Variants in NAALADL2 observed in about 807,000 individuals in gnomAD.
The protein encoded by NAALADL2 is N-acetylated alpha-linked acidic dipeptidase like 2, also known as inactive N-acetylated-alpha-linked acidic dipeptidase-like protein 2.
A neutral mutation model predicts 87.2 loss-of-function variants in NAALADL2; 76 were observed. That is an observed-to-expected ratio of 0.87 (90% CI 0.72 to 1.05). The LOEUF (loss-of-function observed/expected upper bound fraction) is 1.05. Among genes scored for constraint, NAALADL2 ranks in the 50% least tolerant of loss-of-function variants. The probability of loss-of-function intolerance (pLI) is 0.00; values close to 1 mark genes in which losing one functional copy is unlikely to be tolerated. For missense variants in NAALADL2, 1,089 were observed against 945.8 expected, an observed-to-expected ratio of 1.15 and a Z score of -1.99; for synonymous variants, 354 against 331.0, an observed-to-expected ratio of 1.07 and a Z score of -0.75.
chr3:174,558,988 C>T (rs747400078), intron 2 of NAALADL2, among the ~76,000 whole-genome samples: 9 of 152,052 alleles, frequency 5.9e-5, no homozygotes, highest in Non-Finnish European at 1.2e-4. Context: ...CTCCCTGGGA[C>T]ATTCAGTTCA....
At chr3:174,541,555 T>C (rs905476948) in intron 1 of NAALADL2, among the ~76,000 whole-genome samples, 1 of 152,194 alleles carries the variant, frequency 6.6e-6, no homozygotes, top group Non-Finnish European at 1.5e-5. Context: ...TCTAAGTGTG[T>C]AGTATGTGCA....
At chr3:174,505,035 G>A (rs1719116731) in intron 1 of NAALADL2, among the ~76,000 whole-genome samples, 1 of 152,126 alleles carries the variant, frequency 6.6e-6, no homozygotes, top group African/African-American at 2.4e-5. Context: ...GAAATAGAAT[G>A]CAGCACTTTT....
At chr3:175,356,228 C>A (rs6768060) in intron 5 of NAALADL2, among the ~76,000 whole-genome samples, 95,845 of 151,800 alleles carry the variant, frequency 0.63, 30,445 homozygotes, top group East Asian at 0.68. Context: ...TTCAACAGAA[C>A]TCTTTAGAAT....
intron 1 of NAALADL2, among the ~76,000 whole-genome samples, chr3:174,887,835 T>TA (rs1560326771): frequency 6.6e-6 from 1 of 151,870 alleles, no homozygotes; most frequent in African/African-American, 2.4e-5. Flanking sequence ...TTTTTTTTTT[T>TA]ACATGTGGAT....
chr3:174,653,017 A>C (rs1028778313), intron 2 of NAALADL2, among the ~76,000 whole-genome samples: 13 of 152,274 alleles, frequency 8.5e-5, no homozygotes, highest in Middle Eastern at 3.4e-3. Flanking sequence ...ATGCCACACT[A>C]CACACTAACT....
At chr3:174,835,341 T>G (rs1207555475) in intron 3 of NAALADL2, among the ~76,000 whole-genome samples, 1 of 152,102 alleles carries the variant, frequency 6.6e-6, no homozygotes, top group Non-Finnish European at 1.5e-5. Flanking sequence ...TTATACCATA[T>G]AAAACGGTTA....
intron 2 of NAALADL2, among the ~76,000 whole-genome samples, chr3:175,228,931 A>T (rs2109423773): frequency 6.6e-6 from 1 of 152,110 alleles, no homozygotes; most frequent in African/African-American, 2.4e-5. Context: ...CTAAAATTAT[A>T]ATTCATTATA....
intron 2 of NAALADL2, among the ~76,000 whole-genome samples, chr3:175,174,223 T>A (rs995808324): frequency 2.6e-5 from 4 of 152,168 alleles, no homozygotes; most frequent in Non-Finnish European, 5.9e-5. Context: ...TTCTTAGTAT[T>A]ACAAGTTACC....
At chr3:174,833,651 T>G (rs1722994219) in intron 3 of NAALADL2, among the ~76,000 whole-genome samples, 1 of 152,070 alleles carries the variant, frequency 6.6e-6, no homozygotes, top group Non-Finnish European at 1.5e-5. Flanking sequence ...AACATACATA[T>G]CATTAACAAA....
At chr3:175,186,483 T>C (rs1208174058) in intron 2 of NAALADL2, among the ~76,000 whole-genome samples, 1 of 152,160 alleles carries the variant, frequency 6.6e-6, no homozygotes, top group Non-Finnish European at 1.5e-5. Context: ...TGCCCTCTTT[T>C]GTTTAAATCA....
Position 175,463,442 on chromosome 3 carries a change from T to C in NAALADL2, c.1276T>C (p.Leu426=), listed in dbSNP as rs527375173. ...VSMQVQTVTK[L]KTVTNVVGFV... is the part of the protein sequence containing the mutation. ...CATGCAAGTTCAGACAGTCACAAAA[T>C]TGAAAACAGTTACTAATGTTGTTGG... Residue 426 remains leucine, a synonymous_variant, in exon 7 of 14, where the codon TTG becomes CTG. Transcript: ENST00000454872. The C allele has an allele frequency of 1.5e-5, 24 of 1,600,584 alleles. No homozygotes were observed. The Admixed American group carries it at 1.9e-4, about 12-fold the overall frequency.
At chr3:175,516,948 G>A (rs1731926266) in intron 9 of NAALADL2, among the ~76,000 whole-genome samples, 1 of 152,134 alleles carries the variant, frequency 6.6e-6, no homozygotes, top group African/African-American at 2.4e-5. Flanking sequence ...TTTTGGAGAT[G>A]ATACAATTGT....
chr3:174,664,011 A>T (rs1220468268), intron 2 of NAALADL2, among the ~76,000 whole-genome samples: 1 of 151,624 alleles, frequency 6.6e-6, no homozygotes, highest in African/African-American at 2.4e-5. Flanking sequence ...CTGGTCTCGA[A>T]CTCCTGAACT....
At chr3:174,854,835 C>CTTTTTTTT (rs68116968), upstream of NAALADL2, among the ~76,000 whole-genome samples, 46 of 111,988 alleles carry the variant, frequency 4.1e-4, no homozygotes, top group African/African-American at 6.5e-4. Flanking sequence ...GCTTTTTTTT[C>CTTTTTTTT]TTTTTTTTTT....
intron 2 of NAALADL2, among the ~76,000 whole-genome samples, chr3:174,648,149 G>A (rs935282286): frequency 1.3e-5 from 2 of 152,068 alleles, no homozygotes; most frequent in South Asian, 2.1e-4. Flanking sequence ...TTTTATTACA[G>A]TATATTGTTA....
chr3:175,512,098 A>G (rs1038049697), intron 9 of NAALADL2, among the ~76,000 whole-genome samples: 1 of 152,092 alleles, frequency 6.6e-6, no homozygotes, highest in Non-Finnish European at 1.5e-5. Flanking sequence ...TTGAAAATTA[A>G]CTTGGCATAG....
chr3:175,173,448 G>A (rs1735188212), intron 2 of NAALADL2, among the ~76,000 whole-genome samples: 1 of 152,136 alleles, frequency 6.6e-6, no homozygotes, highest in Admixed American at 6.6e-5. Flanking sequence ...GTTGCAGTGA[G>A]CCAACGTCGT....
chr3:174,756,968 CAA>C (rs1474497612), intron 3 of NAALADL2, among the ~76,000 whole-genome samples: 4 of 152,046 alleles, frequency 2.6e-5, no homozygotes, highest in Non-Finnish European at 1.5e-5. Context: ...CAAAACAAAA[CAA>C]AACAAAACCT....
intron 8 of NAALADL2, 56 bp from the exon 9 acceptor site, chr3:175,471,583 A>C: frequency 7.1e-6 from 7 of 992,686 alleles, no homozygotes; most frequent in Non-Finnish European, 9.1e-6. Context: ...CTAACTAATA[A>C]AGTAGAATCT....
Sources: allele counts gnomAD v4.1 joint callset (sites outside exome capture counted in the v4.1 genomes callset), GRCh38; gene constraint gnomAD v4.1.1; transcripts MANE v1.5; gene names NCBI Gene and HGNC (gene_info 2026-07-23, HGNC 2026-07-21).